Variants in VSTM2B observed in about 807,000 individuals in gnomAD.
VSTM2B encodes the protein V-set and transmembrane domain-containing protein 2B.
Under a neutral mutation model 24.0 loss-of-function variants are expected in VSTM2B, and 24 were observed. The observed-to-expected ratio is 1.00, with a 90% CI of 0.72 to 1.40. VSTM2B has a LOEUF of 1.40. Ranked by LOEUF, VSTM2B falls within the 40% of genes most tolerant of loss-of-function variation. VSTM2B has a pLI of 0.00. For missense variants in VSTM2B, 399 were observed against 416.4 expected (o/e 0.96, Z 0.36); for synonymous variants, 226 against 194.4 (o/e 1.16, Z -1.35).
At chr19:29,539,850 C>G (rs1330570109) in intron 4 of VSTM2B, among the ~76,000 whole-genome samples, 1 of 152,202 alleles carries the variant, frequency 6.6e-6, no homozygotes, top group Non-Finnish European at 1.5e-5. Context: ...CTGCCTGTCT[C>G]CACCCCTCAC....
intron 4 of VSTM2B, 145 bp downstream of exon 4, chr19:29,530,435 GC>G (rs1555748214): frequency 4.4e-5 from 29 of 664,510 alleles, no homozygotes; most frequent in Admixed American, 1.4e-4. Context: ...GGTCGGGAGC[GC>G]CCCCCCCAGG....
At chr19:29,546,503 G>A (rs181703206) in intron 4 of VSTM2B, among the ~76,000 whole-genome samples, 7 of 152,364 alleles carry the variant, frequency 4.6e-5, no homozygotes, top group African/African-American at 1.4e-4. Flanking sequence ...GAGAGATAAA[G>A]GGGAAAATTC....
Position 29,530,109 on chromosome 19 carries a change from C to A in VSTM2B, c.588C>A (p.Gly196=), listed in dbSNP as rs1161714212. The A allele has an allele frequency of 6.9e-7, 1 of 1,446,952 alleles. No individual in the cohort carries two copies. Among genetic ancestry groups the A allele is most frequent in the African/African-American group, 1.5e-5 (1 of 67,216 alleles). The allele number at this position is 1,446,952 out of a possible 1,614,324, so 89.6% of individuals were successfully genotyped here. A position where few individuals can be genotyped will look rare whatever the true frequency, so the allele number is the denominator to read the frequency against. ...GAASRTTSEP[G]RGDKSPPPGS... is the part of the protein sequence containing the mutation. ...CGAGCCGTACCACCTCCGAGCCCGG[C>A]CGCGGCGACAAGAGCCCGCCGCCCG... Residue 196 remains glycine, a synonymous_variant, in exon 4 of 5, where the codon GGC becomes GGA. Transcript: ENST00000335523.
chr19:29,526,361 G>T lies in VSTM2B; in HGVS notation c.-223G>T. On this transcript the variant is annotated 5_prime_UTR_variant, in exon 1 of 5. Transcript: ENST00000335523. The surrounding 1 kb of genome is among the most constrained non-coding windows in gnomAD (Gnocchi z 4.1). The stretch of plus-strand genomic sequence containing the variant: ...GCCAGCAGCCTCCCGGTGGGACCGC[G>T]TCTCCTGCACACCCCGCGCAGCGCC... 2 of 187,934 alleles carry T rather than the reference G, an allele frequency of 1.1e-5. No individual in the cohort carries two copies. The highest frequency in any genetic ancestry group is 2.1e-3 in the Middle Eastern group (1 of 486). 11.6% of individuals were successfully genotyped at this position (187,934 alleles called of 1,614,324 possible).
intron 4 of VSTM2B, among the ~76,000 whole-genome samples, chr19:29,549,988 T>C (rs983952864): frequency 6.6e-5 from 10 of 152,260 alleles, no homozygotes; most frequent in Non-Finnish European, 1.0e-4. Context: ...AAGGCCATGA[T>C]TGCCCCTTGG....
At position 29,563,842 on chromosome 19, in the gene VSTM2B, G is replaced by T; in HGVS notation, c.770-4G>T. On this transcript the variant is annotated splice_region_variant and splice_polypyrimidine_tract_variant and intron_variant, in intron 4 of 4. Transcript: ENST00000335523. ...AACCTTGCCTGTTTTCTCATCCCCT[G>T]CAGGCACCGGCCGTAGCTACACCAC... 6.4e-7 allele frequency: 1 copy of T among 1,552,100 alleles called. No individual in the cohort carries two copies.
chr19:29,552,344 G>A (rs1226843175), intron 4 of VSTM2B, among the ~76,000 whole-genome samples: 2 of 152,212 alleles, frequency 1.3e-5, no homozygotes, highest in Non-Finnish European at 1.5e-5. Context: ...AAAATAAGTG[G>A]TTGAGGAATC....
intron 4 of VSTM2B, among the ~76,000 whole-genome samples, chr19:29,535,336 G>GTTTGCAA (rs2145475251): frequency 6.6e-6 from 1 of 152,300 alleles, no homozygotes; most frequent in African/African-American, 2.4e-5. Flanking sequence ...AAAGAATCCA[G>GTTTGCAA]TTTGCAACTG....
At chr19:29,558,593 A>C (rs1259932472) in intron 4 of VSTM2B, among the ~76,000 whole-genome samples, 2 of 152,226 alleles carry the variant, frequency 1.3e-5, no homozygotes, top group African/African-American at 2.4e-5. Flanking sequence ...CATTATCCTC[A>C]GGAAACTAAT....
chr19:29,544,742 G>A (rs997583416), intron 4 of VSTM2B, among the ~76,000 whole-genome samples: 5 of 152,098 alleles, frequency 3.3e-5, no homozygotes, highest in East Asian at 1.9e-4. Context: ...GAGGGAACTC[G>A]AGACAGGCCT....
Position 29,563,988 on chromosome 19 carries a change from C to A in VSTM2B, c.*54C>A. 1 of 1,433,766 alleles carries A rather than the reference C, an allele frequency of 7.0e-7. No individual in the cohort carries two copies. 88.8% of individuals were successfully genotyped at this position (1,433,766 alleles called of 1,614,324 possible). A position where few individuals can be genotyped will look rare whatever the true frequency, so the allele number is the denominator to read the frequency against. Reference sequence around the variant, plus strand: ...GGCCGCACATGACCTGCCCGGGGCCCTCGGTGAGGACCATGTCGCTGGATG... The same window carrying A: ...GGCCGCACATGACCTGCCCGGGGCCATCGGTGAGGACCATGTCGCTGGATG... On this transcript the variant is annotated 3_prime_UTR_variant, in exon 5 of 5. Coordinates refer to ENST00000335523, the MANE Select transcript of VSTM2B (RefSeq NM_001146339.2).
chr19:29,551,724 C>A (rs1239520869), intron 4 of VSTM2B, among the ~76,000 whole-genome samples: 1 of 152,134 alleles, frequency 6.6e-6, no homozygotes, highest in East Asian at 1.9e-4. Flanking sequence ...TGATTTTGCA[C>A]CTTAATCATG....
At chr19:29,544,451 G>A (rs192269316) in intron 4 of VSTM2B, among the ~76,000 whole-genome samples, 70 of 142,538 alleles carry the variant, frequency 4.9e-4, no homozygotes, top group African/African-American at 1.7e-3. Context: ...GCGTGAACCC[G>A]GGAGGCGGAG....
At chr19:29,554,142 A>G (rs1045732873) in intron 4 of VSTM2B, among the ~76,000 whole-genome samples, 9 of 152,224 alleles carry the variant, frequency 5.9e-5, no homozygotes, top group African/African-American at 2.2e-4. Flanking sequence ...CAAGGTTGAA[A>G]TGAAGAAAAA....
chr19:29,537,353 G>A (rs536797403), intron 4 of VSTM2B, among the ~76,000 whole-genome samples: 7 of 152,238 alleles, frequency 4.6e-5, no homozygotes, highest in South Asian at 2.1e-4. Flanking sequence ...AACAGCCAGC[G>A]GTGGAGGTGG....
chr19:29,525,805 G>C (rs1969543822), upstream of VSTM2B: 1 of 151,878 alleles, frequency 6.6e-6, no homozygotes, highest in African/African-American at 2.4e-5. Flanking sequence ...TGCGGGGCGG[G>C]GCTGTACTCC....
intron 4 of VSTM2B, among the ~76,000 whole-genome samples, chr19:29,533,703 C>A (rs915084403): frequency 2.0e-5 from 3 of 152,220 alleles, no homozygotes; most frequent in African/African-American, 7.2e-5. Context: ...CCAAGGCCAC[C>A]CAGGCTGTGT....
chr19:29,557,676 G>T (rs1399142278), intron 4 of VSTM2B, among the ~76,000 whole-genome samples: 1 of 149,504 alleles, frequency 6.7e-6, no homozygotes. Flanking sequence ...TCCAGCCTGG[G>T]CAACAAGAGC....
intron 4 of VSTM2B, among the ~76,000 whole-genome samples, chr19:29,537,690 A>G (rs1268700216): frequency 1.7e-5 from 2 of 119,918 alleles, no homozygotes. Flanking sequence ...TTTCCCCACA[A>G]CCACCCGCCC....
Sources: allele counts gnomAD v4.1 joint callset (sites outside exome capture counted in the v4.1 genomes callset), GRCh38; gene constraint gnomAD v4.1.1; non-coding constraint Gnocchi (gnomAD v3.1); transcripts MANE v1.5; gene names NCBI Gene and HGNC (gene_info 2026-07-23, HGNC 2026-07-21).